GLIS3: variants seen among roughly 807,000 people sequenced by gnomAD.
GLIS3 encodes zinc finger protein GLIS3.
GLIS3 carries 53 observed loss-of-function variants against 78.6 expected under a neutral mutation model. The ratio of observed to expected loss-of-function variants is 0.67; its 90% CI spans 0.54 to 0.85. The LOEUF is 0.85. Among genes scored for constraint, GLIS3 ranks in the 40% least tolerant of loss-of-function variants. The pLI is 0.00. For missense variants in GLIS3, 1,703 were observed against 1,231.1 expected, an observed-to-expected ratio of 1.38 and a Z score of -5.74; for synonymous variants, 684 against 509.9, an observed-to-expected ratio of 1.34 and a Z score of -4.60.
intron 4 of GLIS3, among the ~76,000 whole-genome samples, chr9:4,079,545 T>C (rs529160033): frequency 6.6e-6 from 1 of 152,114 alleles, no homozygotes; most frequent in East Asian, 1.9e-4. Flanking sequence ...GTCAGAGCAG[T>C]TTCAAAGTCC....
chr9:4,458,082 G>C, the GLIS3 span, among the ~76,000 whole-genome samples: 27 of 152,104 alleles, frequency 1.8e-4, no homozygotes, highest in Middle Eastern at 3.4e-3. Flanking sequence ...TGAGCACCAG[G>C]AAAAACTGGA....
At chr9:4,173,797 G>T (rs1266892172) in intron 2 of GLIS3, among the ~76,000 whole-genome samples, 1 of 151,840 alleles carries the variant, frequency 6.6e-6, no homozygotes, top group African/African-American at 2.4e-5. Flanking sequence ...TTATTGAAAA[G>T]TTCTGTATCT....
intron 9 of GLIS3, among the ~76,000 whole-genome samples, chr9:3,848,182 T>C (rs769113485): frequency 2.0e-5 from 3 of 152,232 alleles, no homozygotes; most frequent in Non-Finnish European, 4.4e-5. Flanking sequence ...TGGGAGTGTT[T>C]ACTGTCTTTA....
chr9:4,173,331 T>C (rs1205422973), intron 2 of GLIS3, among the ~76,000 whole-genome samples: 2 of 152,104 alleles, frequency 1.3e-5, no homozygotes, highest in African/African-American at 2.4e-5. Flanking sequence ...AGGTGGCAAA[T>C]ATGTTTTCTC....
chr9:3,984,664 T>A (rs575897496), intron 4 of GLIS3, among the ~76,000 whole-genome samples: 1 of 152,276 alleles, frequency 6.6e-6, no homozygotes, highest in South Asian at 2.1e-4. Context: ...TGGGAAGGCA[T>A]GATTGATTTT....
At chr9:4,471,114 A>T in the GLIS3 span, among the ~76,000 whole-genome samples, 1 of 152,152 alleles carries the variant, frequency 6.6e-6, no homozygotes, top group African/African-American at 2.4e-5. Context: ...GAGGACACAA[A>T]CAAATGGAAG....
At chr9:3,966,734 G>A (rs1817962130) in intron 4 of GLIS3, among the ~76,000 whole-genome samples, 1 of 151,336 alleles carries the variant, frequency 6.6e-6, no homozygotes, top group Non-Finnish European at 1.5e-5. Context: ...GGTGGTGTGA[G>A]CTGAGATCGC....
At chr9:4,262,433 G>A (rs1419097792) in intron 2 of GLIS3, among the ~76,000 whole-genome samples, 1 of 152,130 alleles carries the variant, frequency 6.6e-6, no homozygotes, top group South Asian at 2.1e-4. Flanking sequence ...GGGGGCCCAA[G>A]AGGCTAAATC....
chr9:4,139,677 C>T (rs1001170779), intron 2 of GLIS3, among the ~76,000 whole-genome samples: 1 of 147,818 alleles, frequency 6.8e-6, no homozygotes, highest in East Asian at 2.1e-4. Flanking sequence ...GGGGTGGGCA[C>T]GGTTGGGTGG....
intron 2 of GLIS3, among the ~76,000 whole-genome samples, chr9:4,133,779 G>A (rs1263498524): frequency 6.6e-6 from 1 of 150,734 alleles, no homozygotes; most frequent in African/African-American, 2.4e-5. Context: ...CTCTTCTCCT[G>A]AGTGCCCAGA....
intron 2 of GLIS3, among the ~76,000 whole-genome samples, chr9:4,335,611 G>A (rs940062989): frequency 1.3e-4 from 20 of 152,108 alleles, no homozygotes; most frequent in Admixed American, 5.9e-4. Context: ...CTTACACCTG[G>A]CATCTCACCT....
intron 8 of GLIS3, among the ~76,000 whole-genome samples, chr9:3,876,520 G>A (rs1329095957): frequency 6.7e-6 from 1 of 148,834 alleles, no homozygotes; most frequent in African/African-American, 2.5e-5. Flanking sequence ...GTAGGAGAAT[G>A]TCCTTCTTAG....
At chr9:4,359,303 T>C in the GLIS3 span, among the ~76,000 whole-genome samples, 1 of 152,082 alleles carries the variant, frequency 6.6e-6, no homozygotes, top group Non-Finnish European at 1.5e-5. Flanking sequence ...GCTCATCAGA[T>C]CTTTTCTCCT....
At chr9:4,153,613 TAAAG>T (rs530894398) in intron 2 of GLIS3, among the ~76,000 whole-genome samples, 96 of 152,088 alleles carry the variant, frequency 6.3e-4, no homozygotes, top group South Asian at 2.5e-3. Context: ...TTAAACTAAA[TAAAG>T]AAAGAGAACA....
Position 4,118,301 on chromosome 9 carries a change from C to A in GLIS3, c.1177G>T (p.Glu393Ter). ...AYGEDGALEH[E>*]RMQQLEHGGL... is the part of the protein sequence containing the mutation. ...CCGTGCTCCAGCTGTTGCATGCGCT[C>A]GTGCTCCAGGGCCCCGTCCTCGCCG... The change falls in exon 4 of 11, where the codon GAG (glutamate) becomes TAG (stop). Residue 393 changes from glutamate to a stop codon, truncating the protein, a stop_gained. Transcript: ENST00000381971. LOFTEE classifies it high-confidence loss of function. This position sits in a 1 kb window ranked among gnomAD's most constrained non-coding sequence, Gnocchi z 4.7. The A allele has an allele frequency of 6.3e-7, 1 of 1,578,946 alleles. No individual in the cohort carries two copies. Among genetic ancestry groups the A allele is most frequent in the Admixed American group, 1.8e-5 (1 of 55,566 alleles).
chr9:4,410,046 C>T, the GLIS3 span, among the ~76,000 whole-genome samples: 2 of 152,228 alleles, frequency 1.3e-5, no homozygotes, highest in East Asian at 3.9e-4. Context: ...TCTCAGCTCA[C>T]TGCAAACTCT....
chr9:3,926,656 C>T (rs570389193), intron 6 of GLIS3, among the ~76,000 whole-genome samples: 1 of 151,992 alleles, frequency 6.6e-6, no homozygotes, highest in East Asian at 1.9e-4. Flanking sequence ...CTCACTCTGT[C>T]ACCCAGGCTG....
At chr9:4,053,704 A>AC (rs1825909108) in intron 4 of GLIS3, among the ~76,000 whole-genome samples, 7 of 134,268 alleles carry the variant, frequency 5.2e-5, no homozygotes, top group African/African-American at 2.0e-4. Flanking sequence ...TTCTTTCTTC[A>AC]TAAAAAAAAA....
the GLIS3 span, among the ~76,000 whole-genome samples, chr9:4,403,881 T>C: frequency 1.3e-5 from 2 of 152,022 alleles, no homozygotes; most frequent in African/African-American, 4.8e-5. Context: ...TTATCAATAA[T>C]AATACTGAGT....
Sources: allele counts gnomAD v4.1 joint callset (sites outside exome capture counted in the v4.1 genomes callset), GRCh38; gene constraint gnomAD v4.1.1; non-coding constraint Gnocchi (gnomAD v3.1); transcripts MANE v1.5; gene names NCBI Gene and HGNC (gene_info 2026-07-23, HGNC 2026-07-21).